Variants in ANKRD11 observed in about 807,000 individuals in gnomAD.
ANKRD11 encodes ankyrin repeat domain 11, also known as ankyrin repeat domain-containing protein 11.
ANKRD11 carries 17 observed loss-of-function variants against 195.7 expected under a neutral mutation model. The observed-to-expected ratio is 0.09, with a 90% confidence interval of 0.06 to 0.13. ANKRD11 has a LOEUF of 0.13. ANKRD11 is among the 10% of genes least tolerant of loss of function. ANKRD11 has a pLI of 1.00. For synonymous variants in ANKRD11, 1,953 were observed against 1,528.1 expected (o/e 1.28, Z -6.49); for missense variants, 3,735 against 3,566.1 (o/e 1.05, Z -1.21).
intron 2 of ANKRD11, among the ~76,000 whole-genome samples, chr16:89,326,452 T>G (rs1436779608): frequency 6.6e-6 from 1 of 151,632 alleles, no homozygotes; most frequent in Non-Finnish European, 1.5e-5. Flanking sequence ...ACCCCCAAAT[T>G]ACACAAATAG....
chr16:89,465,749 C>T (rs1460483964), intron 1 of ANKRD11, among the ~76,000 whole-genome samples: 4 of 152,136 alleles, frequency 2.6e-5, no homozygotes, highest in African/African-American at 9.7e-5. Flanking sequence ...CTCGCTCTGT[C>T]GCCCAGGCTG....
chr16:89,423,806 GC>G (rs1202910199), intron 1 of ANKRD11, among the ~76,000 whole-genome samples: 1 of 152,186 alleles, frequency 6.6e-6, no homozygotes, highest in Non-Finnish European at 1.5e-5. Context: ...CGCAATGGCA[GC>G]CAGCCTGCGG....
At chr16:89,301,599 C>G in intron 4 of ANKRD11, 1 of 398,770 alleles carries the variant, frequency 2.5e-6, no homozygotes, top group East Asian at 3.6e-5. Context: ...ACAGCCCTTA[C>G]AGAGGCCTGG....
intron 1 of ANKRD11, among the ~76,000 whole-genome samples, chr16:89,447,804 C>CTTTTTTT (rs753581064): frequency 7.4e-6 from 1 of 135,296 alleles, no homozygotes; most frequent in African/African-American, 2.8e-5. Flanking sequence ...ATAACTTTTT[C>CTTTTTTT]TTTTTTTTTT....
intron 1 of ANKRD11, among the ~76,000 whole-genome samples, chr16:89,432,236 TACACACACACACACACACACACAC>T (rs59807718): frequency 7.0e-6 from 1 of 142,852 alleles, no homozygotes; most frequent in Non-Finnish European, 1.5e-5. Context: ...CGTGATGCAG[TACACACACACACACACACACACAC>T]ACACACACAC....
At chr16:89,365,292 CT>C (rs1294736537) in intron 2 of ANKRD11, among the ~76,000 whole-genome samples, 3 of 152,194 alleles carry the variant, frequency 2.0e-5, no homozygotes, top group Non-Finnish European at 4.4e-5. Flanking sequence ...AGTCTAAACC[CT>C]TGTGTCATCA....
intron 2 of ANKRD11, among the ~76,000 whole-genome samples, chr16:89,408,421 G>A (rs916884487): frequency 1.3e-5 from 2 of 152,364 alleles, no homozygotes; most frequent in Admixed American, 1.3e-4. Context: ...GAAGAGGATG[G>A]CAGGTACACA....
Position 89,489,774 on chromosome 16 carries a change from C to G in ANKRD11, c.-145+471G>C, listed in dbSNP as rs1367199514. 1.5e-4 allele frequency among the ~76,000 whole-genome samples: 22 copies of G among 144,928 alleles called. No homozygotes were observed. In the East Asian group the frequency reaches 4.5e-3, roughly 29 times the overall value. On this transcript the variant is annotated intron_variant, in intron 1 of 12. Transcript: ENST00000301030. ...GTCCGCCCCTCACGGCCGCTCCGAG[C>G]CCCCGAGGCCCGCCCCGGAGCCCCC...
chr16:89,322,883 G>A (rs555807839), intron 2 of ANKRD11, among the ~76,000 whole-genome samples: 2 of 152,338 alleles, frequency 1.3e-5, no homozygotes, highest in South Asian at 4.1e-4. Context: ...CAGCTGTGTT[G>A]CCCAGGCTGG....
chr16:89,455,386 A>G (rs575569644), intron 1 of ANKRD11, among the ~76,000 whole-genome samples: 6 of 152,116 alleles, frequency 3.9e-5, no homozygotes, highest in Non-Finnish European at 7.3e-5. Flanking sequence ...GTGCTGTGGC[A>G]GCAGTGCAGA....
At chr16:89,355,006 A>G (rs1378886655) in intron 2 of ANKRD11, among the ~76,000 whole-genome samples, 1 of 152,200 alleles carries the variant, frequency 6.6e-6, no homozygotes, top group Admixed American at 6.5e-5. Context: ...ACAGATTCAC[A>G]TGCTGAAGAC....
chr16:89,311,738 G>A (rs1369735427), intron 3 of ANKRD11, among the ~76,000 whole-genome samples: 1 of 152,194 alleles, frequency 6.6e-6, no homozygotes, highest in Non-Finnish European at 1.5e-5. Flanking sequence ...TATCTTGGGA[G>A]TTGGGCAAGA....
intron 2 of ANKRD11, among the ~76,000 whole-genome samples, chr16:89,382,386 T>C (rs970545991): frequency 1.3e-5 from 2 of 151,784 alleles, no homozygotes; most frequent in Non-Finnish European, 2.9e-5. Flanking sequence ...AGGGCAATGG[T>C]GCAATCTCGG....
At chr16:89,337,355 T>C (rs1042459697) in intron 2 of ANKRD11, among the ~76,000 whole-genome samples, 2 of 150,734 alleles carry the variant, frequency 1.3e-5, no homozygotes, top group Non-Finnish European at 3.0e-5. Context: ...TCTCATTGGA[T>C]TTGCCATCAG....
chr16:89,324,441 G>A (rs563333155), intron 2 of ANKRD11: 2 of 462,994 alleles, frequency 4.3e-6, no homozygotes, highest in Admixed American at 2.3e-5. Context: ...AGGTAAGTGT[G>A]AGGGTTACTA....
At chr16:89,278,092 A>C (rs1319856294) in intron 9 of ANKRD11, 2 of 198,614 alleles carry the variant, frequency 1.0e-5, no homozygotes, top group African/African-American at 4.7e-5. Context: ...TCAACCACAC[A>C]GTCCGCTAGG....
chr16:89,313,602 T>C (rs1406822757), intron 3 of ANKRD11: 5 of 1,288,774 alleles, frequency 3.9e-6, no homozygotes, highest in Non-Finnish European at 5.1e-6. Context: ...AAAAATATAT[T>C]GTTTTTGATA....
At position 89,279,114 on chromosome 16, in the gene ANKRD11, G is replaced by A. The variant is rs61739671; in HGVS notation, c.7428C>T (p.Tyr2476=). 2.0e-5 allele frequency: 32 copies of A among 1,614,058 alleles called. No homozygotes were observed. The highest frequency in any genetic ancestry group is 1.7e-4 in the Middle Eastern group (1 of 5,990). The change falls in exon 9 of 13, where the codon TAC becomes TAT. Residue 2476 remains tyrosine, a synonymous_variant. Transcript: ENST00000301030. This position sits in a 1 kb window ranked among gnomAD's most constrained non-coding sequence, Gnocchi z 5.6. ...TGCTGAGCGGCTTGCCGTCCAGGAG[G>A]TAGGAGCCCGTGTAGGTGACGTACT... ...YAEYVTYTGS[Y]LLDGKPLSKL...
At position 89,446,129 on chromosome 16, in the gene ANKRD11, G is replaced by A. The variant is rs549878972; in HGVS notation, c.-144-27761C>T. On this transcript the variant is annotated intron_variant, in intron 1 of 12. Coordinates refer to ENST00000301030, the MANE Select transcript of ANKRD11 (RefSeq NM_013275.6). ...TTAAAAAAAAAAAACTGTTTAAAAA[G>A]GACTTCCAATTGCATTTCATGAAGG... 5.9e-5 allele frequency among the ~76,000 whole-genome samples: 9 copies of A among 151,670 alleles called. No individual in the cohort carries two copies. The East Asian group carries it at 1.7e-3, about 29-fold the overall frequency.
Sources: allele counts gnomAD v4.1 joint callset (sites outside exome capture counted in the v4.1 genomes callset), GRCh38; gene constraint gnomAD v4.1.1; non-coding constraint Gnocchi (gnomAD v3.1); transcripts MANE v1.5; gene names NCBI Gene and HGNC (gene_info 2026-07-23, HGNC 2026-07-21).